DCHS2: variants seen among roughly 807,000 people sequenced by gnomAD.
DCHS2 encodes dachsous cadherin-related 2.
A neutral mutation model predicts 182.4 loss-of-function variants in DCHS2; 142 were observed. The ratio of observed to expected loss-of-function variants is 0.78; its 90% CI spans 0.68 to 0.89. The LOEUF is 0.89. DCHS2 is among the 40% of genes least tolerant of loss of function. The probability of loss-of-function intolerance (pLI) is 0.00; values close to 1 mark genes in which losing one functional copy is unlikely to be tolerated. For missense variants in DCHS2, 4,319 were observed against 4,198.6 expected (o/e 1.03, Z -0.79); for synonymous variants, 1,740 against 1,663.3 (o/e 1.05, Z -1.12).
intron 1 of DCHS2, among the ~76,000 whole-genome samples, chr4:154,452,160 T>C (rs974913402): frequency 6.6e-6 from 1 of 152,198 alleles, no homozygotes; most frequent in Non-Finnish European, 1.5e-5. Flanking sequence ...TTGATATATA[T>C]AGCTCATCAT....
At position 154,284,248 on chromosome 4, in the gene DCHS2, C is replaced by T. The variant is rs141892953; in HGVS notation, c.6463+13603G>A. Reference sequence around the variant, plus strand: ...GCTTCAGACATCCACAAACAATAGACGCCAATTAAAAACAAAAATAAAATC... The same window carrying T: ...GCTTCAGACATCCACAAACAATAGATGCCAATTAAAAACAAAAATAAAATC... On this transcript the variant is annotated intron_variant, in intron 13 of 19. Transcript: ENST00000357232. 7.4e-4 allele frequency among the ~76,000 whole-genome samples: 112 copies of T among 152,226 alleles called. No homozygotes were observed. The East Asian group carries it at 0.017, about 24-fold the overall frequency.
Position 154,298,188 on chromosome 4 carries a change from AG to A in DCHS2, c.6125del (p.Pro2042LeufsTer19), listed in dbSNP as rs1339210694. 1.9e-6 allele frequency: 3 copies of A among 1,614,122 alleles called. No individual in the cohort carries two copies. Among genetic ancestry groups the A allele is most frequent in the Non-Finnish European group, 2.5e-6 (3 of 1,180,010 alleles). On this transcript the variant is annotated frameshift_variant, in exon 13 of 20. Coordinates refer to ENST00000357232, the MANE Select transcript of DCHS2 (RefSeq NM_001358235.2). LOFTEE classifies it high-confidence loss of function. ...ACTCGGGGGAAAGAAACACATCAAAAGGGTTCTGTTCCAAAACTGGATCATT... is the reference window on the plus strand; with the variant it reads ...ACTCGGGGGAAAGAAACACATCAAAAGGTTCTGTTCCAAAACTGGATCATT... ...NDNDPVLEQN[P>X]FDVFLSPESP...
In DCHS2 at chr4:154,333,454, A is replaced by T; in HGVS notation, c.2754T>A (p.Asp918Glu). The T allele has an allele frequency of 6.2e-7, 1 of 1,613,922 alleles. No homozygotes were observed. The highest frequency in any genetic ancestry group is 8.5e-7 in the Non-Finnish European group (1 of 1,179,954). Residue 918 changes from aspartate to glutamate, a missense_variant, in exon 5 of 20, where the codon GAT becomes GAA. Asp to Glu is a conservative substitution (Grantham distance 45). Transcript: ENST00000357232. ...GGTGAATGGAGAACTTTCCGCCGAG[A>T]TCACCAGAAGAAATCCTGTAAAAGA... The part of the protein sequence containing the change: ...EPIFYRISSG[D>E]LGGKFSIHPR...
chr4:154,234,777 A>G lies in DCHS2; in HGVS notation c.9875T>C (p.Val3292Ala). ...GTTTACTGCCGGCATTCTTGGTGGG[A>G]CTGCTTTAATCCCAGGCTGGGCTAC... is the stretch of plus-strand genomic sequence containing the variant. The part of the protein sequence containing the change: ...TAVAQPGIKA[V>A]PPRMPAVNLG... The change falls in exon 20 of 20, where the codon GTC (valine) becomes GCC (alanine). Residue 3292 changes from valine (V) to alanine (A), a missense_variant. Coordinates refer to ENST00000357232, the MANE Select transcript of DCHS2 (RefSeq NM_001358235.2). 6.2e-7 allele frequency: 1 copy of G among 1,613,956 alleles called. No homozygotes were observed. The highest frequency in any genetic ancestry group is 1.3e-5 in the African/African-American group (1 of 75,018).
intron 3 of DCHS2, among the ~76,000 whole-genome samples, chr4:154,353,260 A>G (rs1729701738): frequency 6.6e-6 from 1 of 152,176 alleles, no homozygotes; most frequent in South Asian, 2.1e-4. Flanking sequence ...CCAAGGATTC[A>G]AAGAATTCCT....
intron 1 of DCHS2, among the ~76,000 whole-genome samples, chr4:154,400,025 C>G (rs891126014): frequency 6.6e-6 from 1 of 152,086 alleles, no homozygotes; most frequent in Non-Finnish European, 1.5e-5. Flanking sequence ...CTTTCACGGC[C>G]GGGCGCGGTG....
intron 2 of DCHS2, chr4:154,373,974 T>C: frequency 6.7e-7 from 1 of 1,501,280 alleles, no homozygotes; most frequent in Non-Finnish European, 9.1e-7. Flanking sequence ...AATGAATTGA[T>C]CCTTTTTGGA....
intron 1 of DCHS2, among the ~76,000 whole-genome samples, chr4:154,471,740 T>C (rs567015674): frequency 6.6e-6 from 1 of 152,168 alleles, no homozygotes; most frequent in East Asian, 1.9e-4. Context: ...CTTTAGAGAA[T>C]GCTTTAGAGT....
intron 3 of DCHS2, among the ~76,000 whole-genome samples, chr4:154,348,093 G>A (rs1729442072): frequency 6.6e-6 from 1 of 151,946 alleles, no homozygotes; most frequent in Non-Finnish European, 1.5e-5. Flanking sequence ...GTTGGCAACA[G>A]GGATGTGGGC....
At chr4:154,328,855 G>A (rs967341905) in intron 6 of DCHS2, among the ~76,000 whole-genome samples, 1 of 152,070 alleles carries the variant, frequency 6.6e-6, no homozygotes, top group Non-Finnish European at 1.5e-5. Flanking sequence ...GTATATTTGA[G>A]CACAATTTGA....
At chr4:154,250,190 T>C (rs1471302034) in intron 16 of DCHS2, among the ~76,000 whole-genome samples, 2 of 152,178 alleles carry the variant, frequency 1.3e-5, no homozygotes, top group African/African-American at 4.8e-5. Flanking sequence ...GAGATGACTG[T>C]ATTTTTAGTG....
intron 13 of DCHS2, among the ~76,000 whole-genome samples, chr4:154,278,465 C>T (rs1011453299): frequency 6.6e-6 from 1 of 151,448 alleles, no homozygotes; most frequent in African/African-American, 2.4e-5. Flanking sequence ...TTTGAAGAAA[C>T]AATGGCAAAA....
chr4:154,431,601 A>G (rs906032198), intron 1 of DCHS2, among the ~76,000 whole-genome samples: 1 of 152,168 alleles, frequency 6.6e-6, no homozygotes, highest in African/African-American at 2.4e-5. Context: ...ATTTTCTCGG[A>G]ATTCTCTATG....
intron 14 of DCHS2, among the ~76,000 whole-genome samples, chr4:154,262,824 C>T (rs2111180724): frequency 6.6e-6 from 1 of 152,304 alleles, no homozygotes; most frequent in South Asian, 2.1e-4. Flanking sequence ...TGTTTTGCGC[C>T]ACTCTAATAA....
chr4:154,379,205 G>A (rs1731059267), intron 1 of DCHS2, among the ~76,000 whole-genome samples: 1 of 152,166 alleles, frequency 6.6e-6, no homozygotes, highest in South Asian at 2.1e-4. Flanking sequence ...CTATTTCTTT[G>A]GTTCACAAGG....
Position 154,315,772 on chromosome 4 carries a change from C to T in DCHS2, c.5236G>A (p.Val1746Ile), listed in dbSNP as rs754665302. Residue 1746 changes from valine to isoleucine, a missense_variant, in exon 10 of 20, where the codon GTT becomes ATT. Coordinates refer to ENST00000357232, the MANE Select transcript of DCHS2 (RefSeq NM_001358235.2). ...CCTGAATCTCTGTCCAGAGCTTCAA[C>T]CCTGGTAACAAACTCCCCTGGATTT... is the stretch of plus-strand genomic sequence containing the variant. ...NQNPGEFVTR[V>I]EALDRDSGVN... The T allele has an allele frequency of 1.2e-6, 2 of 1,614,034 alleles. No individual in the cohort carries two copies. The highest frequency in any genetic ancestry group is 1.7e-6 in the Non-Finnish European group (2 of 1,179,970).
intron 1 of DCHS2, among the ~76,000 whole-genome samples, chr4:154,423,939 C>T (rs1733214239): frequency 6.6e-6 from 1 of 152,190 alleles, no homozygotes; most frequent in South Asian, 2.1e-4. Flanking sequence ...AAACTTTCAG[C>T]AGGAGGGTCT....
intron 1 of DCHS2, among the ~76,000 whole-genome samples, chr4:154,409,034 G>A (rs1378813530): frequency 5.3e-5 from 8 of 152,144 alleles, no homozygotes; most frequent in Non-Finnish European, 1.2e-4. Flanking sequence ...TCAGTGCCTT[G>A]GACAAGCCAA....
At chr4:154,395,002 G>C (rs1175859184) in intron 1 of DCHS2, among the ~76,000 whole-genome samples, 5 of 152,082 alleles carry the variant, frequency 3.3e-5, no homozygotes, top group Admixed American at 2.6e-4. Context: ...AAAAACAACA[G>C]GGACTCTGTA....
Sources: allele counts gnomAD v4.1 joint callset (sites outside exome capture counted in the v4.1 genomes callset), GRCh38; gene constraint gnomAD v4.1.1; transcripts MANE v1.5; gene names NCBI Gene and HGNC (gene_info 2026-07-23, HGNC 2026-07-21).